HDGFL3: variants seen among roughly 807,000 people sequenced by gnomAD.
HDGFL3 encodes hepatoma-derived growth factor-related protein 3.
A neutral mutation model predicts 27.6 loss-of-function variants in HDGFL3; 6 were observed. The ratio of observed to expected loss-of-function variants is 0.22; its 90% CI spans 0.12 to 0.43. The LOEUF (loss-of-function observed/expected upper bound fraction) is 0.43, where lower values mean the gene tolerates loss of function less well. Ranked by LOEUF, HDGFL3 falls within the 20% of genes least tolerant of loss-of-function variation. The pLI, the probability that HDGFL3 is intolerant of heterozygous loss-of-function variation, is 1.00. For synonymous variants in HDGFL3, 88 were observed against 88.9 expected (o/e 0.99, Z 0.05); for missense variants, 207 against 250.1 (o/e 0.83, Z 1.16).
chr15:83,184,972 A>T (rs551845102), intron 1 of HDGFL3: 1 of 152,332 alleles, frequency 6.6e-6, no homozygotes, highest in African/African-American at 2.4e-5. Flanking sequence ...GGTTATTAGG[A>T]GATAATTTTT....
chr15:83,127,053 G>A (rs931260182), downstream of HDGFL3, among the ~76,000 whole-genome samples: 4 of 152,006 alleles, frequency 2.6e-5, no homozygotes, highest in Non-Finnish European at 4.4e-5. Context: ...AACTAGCCGG[G>A]CATGGTGGCA....
At chr15:83,194,795 G>A (rs2037550263) in intron 1 of HDGFL3, among the ~76,000 whole-genome samples, 1 of 152,134 alleles carries the variant, frequency 6.6e-6, no homozygotes, top group East Asian at 1.9e-4. Context: ...CTCTGTAACT[G>A]AGCAAGTCAG....
intron 1 of HDGFL3, among the ~76,000 whole-genome samples, chr15:83,188,230 C>T (rs1381990551): frequency 6.6e-6 from 1 of 152,132 alleles, no homozygotes; most frequent in Admixed American, 6.5e-5. Context: ...AATATCATTT[C>T]TGCATTTCCC....
chr15:83,186,490 T>C (rs36093153), intron 1 of HDGFL3, among the ~76,000 whole-genome samples: 7,112 of 152,328 alleles, frequency 0.047, 252 homozygotes, highest in Non-Finnish European at 0.069. Context: ...AGAACATAGA[T>C]GTTCAAATAG....
At chr15:83,189,318 A>G (rs1368776209) in intron 1 of HDGFL3, 3 of 152,196 alleles carry the variant, frequency 2.0e-5, no homozygotes, top group African/African-American at 7.2e-5. Flanking sequence ...TAAACTTGTT[A>G]CTAAACTATA....
chr15:83,176,512 C>G (rs1255285274), intron 1 of HDGFL3, among the ~76,000 whole-genome samples: 1 of 152,158 alleles, frequency 6.6e-6, no homozygotes, highest in Admixed American at 6.5e-5. Context: ...AAATCTGCAG[C>G]CCCATGGACT....
intron 4 of HDGFL3, among the ~76,000 whole-genome samples, chr15:83,153,123 C>T (rs1228866532): frequency 2.0e-5 from 3 of 151,722 alleles, no homozygotes; most frequent in East Asian, 1.9e-4. Context: ...CCTTAGCCTC[C>T]CGAGTAGCTG....
At chr15:83,199,088 A>T (rs1473650090) in intron 1 of HDGFL3, among the ~76,000 whole-genome samples, 2 of 152,178 alleles carry the variant, frequency 1.3e-5, no homozygotes, top group Non-Finnish European at 2.9e-5. Context: ...TATTTTTTTC[A>T]AAATTATTGA....
chr15:83,178,415 A>G (rs985814795), intron 1 of HDGFL3, among the ~76,000 whole-genome samples: 4 of 152,078 alleles, frequency 2.6e-5, no homozygotes, highest in African/African-American at 9.7e-5. Context: ...CTTTGTGTTG[A>G]CTCTTGTCAT....
At chr15:83,178,468 T>C (rs1176181098) in intron 1 of HDGFL3, among the ~76,000 whole-genome samples, 1 of 152,164 alleles carries the variant, frequency 6.6e-6, no homozygotes, top group Non-Finnish European at 1.5e-5. Flanking sequence ...TCCTCGCTTC[T>C]ACCCCGGGCA....
intron 2 of HDGFL3, among the ~76,000 whole-genome samples, chr15:83,161,491 G>A (rs531344096): frequency 6.6e-6 from 1 of 152,266 alleles, no homozygotes; most frequent in South Asian, 2.1e-4. Context: ...AGAAGAGTCA[G>A]GGCTAATGGT....
At chr15:83,164,805 C>A (rs1319327058) in intron 1 of HDGFL3, among the ~76,000 whole-genome samples, 1 of 152,202 alleles carries the variant, frequency 6.6e-6, no homozygotes, top group African/African-American at 2.4e-5. Flanking sequence ...TATATAATTA[C>A]ACATACATTA....
intron 1 of HDGFL3, chr15:83,192,357 T>C (rs1472771023): frequency 2.2e-6 from 1 of 450,368 alleles, no homozygotes; most frequent in African/African-American, 2.0e-5. Context: ...CATGCACTCC[T>C]GACAGGGTTG....
intron 1 of HDGFL3, among the ~76,000 whole-genome samples, chr15:83,193,522 T>A (rs970556336): frequency 1.3e-5 from 2 of 152,190 alleles, no homozygotes; most frequent in Non-Finnish European, 2.9e-5. Context: ...CAGTACGGTG[T>A]TTCCTCAAAA....
At chr15:83,203,414 G>T (rs1425282561) in intron 1 of HDGFL3, among the ~76,000 whole-genome samples, 1 of 152,006 alleles carries the variant, frequency 6.6e-6, no homozygotes, top group African/African-American at 2.4e-5. Flanking sequence ...GTGATTTACT[G>T]CCATTTGGTG....
At chr15:83,201,706 AG>A (rs2037649453) in intron 1 of HDGFL3, among the ~76,000 whole-genome samples, 1 of 152,214 alleles carries the variant, frequency 6.6e-6, no homozygotes, top group Admixed American at 6.5e-5. Flanking sequence ...CAAATCATGG[AG>A]GAACAGTAGT....
At chr15:83,124,842 C>G, downstream of HDGFL3, 1 of 1,341,948 alleles carries the variant, frequency 7.5e-7, no homozygotes, top group Non-Finnish European at 1.1e-6. Context: ...TGGAAAAAAA[C>G]TTAGAAATAT....
At chr15:83,149,431 T>C (rs1341009496) in intron 5 of HDGFL3, among the ~76,000 whole-genome samples, 2 of 152,066 alleles carry the variant, frequency 1.3e-5, no homozygotes, top group Non-Finnish European at 2.9e-5. Flanking sequence ...GTTTTCAGAG[T>C]AGAAGTGTGC....
chr15:83,180,650 T>C (rs997747349), intron 1 of HDGFL3, among the ~76,000 whole-genome samples: 2 of 149,064 alleles, frequency 1.3e-5, no homozygotes, highest in Non-Finnish European at 3.0e-5. Flanking sequence ...TCAATTTTTT[T>C]TTTTTTTTTT....
Sources: allele counts gnomAD v4.1 joint callset (sites outside exome capture counted in the v4.1 genomes callset), GRCh38; gene constraint gnomAD v4.1.1; transcripts MANE v1.5; gene names NCBI Gene and HGNC (gene_info 2026-07-23, HGNC 2026-07-21).